Variants in PLCG2 observed in about 807,000 individuals in gnomAD.
PLCG2 encodes 1-phosphatidylinositol 4,5-bisphosphate phosphodiesterase gamma-2.
PLCG2 carries 69 observed loss-of-function variants against 175.6 expected under a neutral mutation model. The ratio of observed to expected loss-of-function variants is 0.39; its 90% CI spans 0.32 to 0.48. PLCG2 has a LOEUF of 0.48. PLCG2 is among the 20% of genes least tolerant of loss of function. The pLI, the probability that PLCG2 is intolerant of heterozygous loss-of-function variation, is 0.91. For synonymous variants in PLCG2, 827 were observed against 624.0 expected, an observed-to-expected ratio of 1.33 and a Z score of -4.85; for missense variants, 1,798 against 1,650.9, an observed-to-expected ratio of 1.09 and a Z score of -1.54.
intron 2 of PLCG2, among the ~76,000 whole-genome samples, chr16:81,829,189 A>T (rs566982231): frequency 1.3e-5 from 2 of 151,970 alleles, no homozygotes; most frequent in African/African-American, 4.8e-5. Context: ...GCTCACTGCA[A>T]CCTCTGTCTT....
rs1366903061 is a variant in PLCG2 at position 81,773,854 on chromosome 16, T to G, written c.-47-12089T>G. Among the ~76,000 whole-genome samples the G allele has an allele frequency of 2.0e-5, 3 of 152,160 alleles. No homozygotes were observed. In the East Asian group the frequency reaches 5.8e-4, roughly 29 times the overall value. On this transcript the variant is annotated intron_variant, in intron 2 of 5. Transcript: ENST00000565054. Reference sequence around the variant, plus strand: ...GAGCGACTGGGACTGGAACCAGCTCTGTCTCACTCCAAAGCCCCCTTTTTG... The same window carrying G: ...GAGCGACTGGGACTGGAACCAGCTCGGTCTCACTCCAAAGCCCCCTTTTTG...
At chr16:81,813,790 G>A (rs1904422334) in intron 2 of PLCG2, among the ~76,000 whole-genome samples, 1 of 152,160 alleles carries the variant, frequency 6.6e-6, no homozygotes, top group Admixed American at 6.6e-5. Flanking sequence ...GGCTAGTTTG[G>A]GCTTCCTTAC....
intron 2 of PLCG2, among the ~76,000 whole-genome samples, chr16:81,831,146 G>A (rs1905243745): frequency 6.6e-6 from 1 of 152,100 alleles, no homozygotes; most frequent in Admixed American, 6.5e-5. Flanking sequence ...ACCATGCTTT[G>A]CTCTTCTTTG....
intron 29 of PLCG2, among the ~76,000 whole-genome samples, chr16:81,939,250 G>T (rs535785250): frequency 6.6e-6 from 1 of 152,158 alleles, no homozygotes; most frequent in Non-Finnish European, 1.5e-5. Flanking sequence ...GAGAGAGGGG[G>T]TGAACCTACG....
intron 13 of PLCG2, among the ~76,000 whole-genome samples, chr16:81,896,957 G>A (rs1043378302): frequency 2.0e-5 from 3 of 152,240 alleles, no homozygotes; most frequent in African/African-American, 7.2e-5. Context: ...CTTGGTCTGG[G>A]CTGGAGGTCA....
chr16:81,829,896 G>C (rs919423294), intron 2 of PLCG2, among the ~76,000 whole-genome samples: 4 of 151,894 alleles, frequency 2.6e-5, no homozygotes, highest in Non-Finnish European at 5.9e-5. Flanking sequence ...CCTCAGTAGT[G>C]AGTGCCAAAT....
intron 2 of PLCG2, among the ~76,000 whole-genome samples, chr16:81,793,240 G>A (rs1911318237): frequency 6.6e-6 from 1 of 152,282 alleles, no homozygotes; most frequent in East Asian, 1.9e-4. Flanking sequence ...TTAAGGAGCT[G>A]GTTGTCTGTG....
intron 7 of PLCG2, among the ~76,000 whole-genome samples, chr16:81,877,923 C>T (rs987946326): frequency 2.0e-5 from 3 of 151,170 alleles, no homozygotes; most frequent in African/African-American, 7.3e-5. Context: ...CACATGGACC[C>T]CTTTTCTCTG....
At chr16:81,780,918 C>T (rs9937776) in intron 1 of PLCG2, among the ~76,000 whole-genome samples, 128,564 of 152,012 alleles carry the variant, frequency 0.85, 54,443 homozygotes, top group South Asian at 0.95. Flanking sequence ...TCCCAGCTAC[C>T]CAGGAGGCTG....
Position 81,961,090 on chromosome 16 carries a change from G to A in PLCG2, c.*3092G>A, listed in dbSNP as rs543241149. 2 of 231,296 alleles carry A rather than the reference G, an allele frequency of 8.6e-6. No individual in the cohort carries two copies. Among genetic ancestry groups the A allele is most frequent in the East Asian group, 6.1e-5 (1 of 16,306 alleles). The allele number at this position is 231,296 out of a possible 1,614,324, so 14.3% of individuals were successfully genotyped here. ...GCAAATGGATTTTCCAAGTTTTTCT[G>A]GTGGTTCCAAATTTTTTGCTTTCAA... On this transcript the variant is annotated 3_prime_UTR_variant, in exon 33 of 33. Transcript: ENST00000564138.
chr16:81,912,821 G>GC (rs892474742), intron 19 of PLCG2, 105 bp downstream of exon 19: 194 of 1,324,612 alleles, frequency 1.5e-4, no homozygotes, highest in East Asian at 2.6e-4. Context: ...GCAGTGCCCT[G>GC]CCCCCCCAGC....
intron 2 of PLCG2, among the ~76,000 whole-genome samples, chr16:81,761,089 G>T (rs1910032552): frequency 1.3e-5 from 2 of 152,132 alleles, no homozygotes; most frequent in Admixed American, 1.3e-4. Flanking sequence ...TAGTAACAAG[G>T]TTTCACTATG....
At chr16:81,744,616 T>C (rs12933287) in intron 1 of PLCG2, among the ~76,000 whole-genome samples, 128,856 of 152,022 alleles carry the variant, frequency 0.85, 56,808 homozygotes, top group East Asian at 1. Flanking sequence ...TTTTTTAAGA[T>C]AGTCGTGCTC....
In PLCG2 at chr16:81,904,495, C is replaced by T. The variant is rs148774531; in HGVS notation, c.1363-908C>T. 7.9e-5 allele frequency among the ~76,000 whole-genome samples: 12 copies of T among 152,286 alleles called. No individual in the cohort carries two copies. The East Asian group carries it at 1.7e-3, about 22-fold the overall frequency. ...GCTCAGAGAAGTGCAGCCACTTGCC[C>T]GGGGTCACACAGCTGGTAGAATAGC... On this transcript the variant is annotated intron_variant, in intron 14 of 32. Coordinates refer to ENST00000564138, the MANE Select transcript of PLCG2 (RefSeq NM_002661.5).
intron 5 of PLCG2, 96 bp downstream of exon 5, chr16:81,859,259 G>T: frequency 1.2e-6 from 1 of 800,592 alleles, no homozygotes; most frequent in Non-Finnish European, 2.2e-6. Flanking sequence ...CTTGTCGGGA[G>T]CAAGGTCCTC....
intron 2 of PLCG2, among the ~76,000 whole-genome samples, chr16:81,823,526 T>C (rs1904898970): frequency 6.6e-6 from 1 of 152,318 alleles, no homozygotes; most frequent in African/African-American, 2.4e-5. Flanking sequence ...GACTGTTTTC[T>C]TGTTTATTTA....
intron 13 of PLCG2, among the ~76,000 whole-genome samples, chr16:81,899,289 T>TATACAC (rs908648451): frequency 0.034 from 3,142 of 92,430 alleles, 120 homozygotes; most frequent in African/African-American, 0.11. Context: ...TATATATATA[T>TATACAC]ACACACACAC....
rs71400187 is a variant in PLCG2, at chr16:81,958,534, C to T, written c.*536C>T. 4,097 of 231,256 alleles carry T rather than the reference C, an allele frequency of 0.018. 54 individuals are homozygous for T. The highest frequency in any genetic ancestry group is 0.035 in the Middle Eastern group (27 of 764). 14.3% of individuals were successfully genotyped at this position (231,256 alleles called of 1,614,324 possible). On this transcript the variant is annotated 3_prime_UTR_variant, in exon 33 of 33. Coordinates refer to ENST00000564138, the MANE Select transcript of PLCG2 (RefSeq NM_002661.5). ...CAGTTCAATGTACTTTAACTACCACCGGCTGCCTGCTGCAGTCCACAAGAA... is the reference window on the plus strand; with the variant it reads ...CAGTTCAATGTACTTTAACTACCACTGGCTGCCTGCTGCAGTCCACAAGAA...
intron 19 of PLCG2, among the ~76,000 whole-genome samples, chr16:81,916,013 T>A (rs542590353): frequency 6.6e-6 from 1 of 152,328 alleles, no homozygotes; most frequent in East Asian, 1.9e-4. Flanking sequence ...TATTTATACA[T>A]GTCTGTATCT....
Sources: allele counts gnomAD v4.1 joint callset (sites outside exome capture counted in the v4.1 genomes callset), GRCh38; gene constraint gnomAD v4.1.1; transcripts MANE v1.5; gene names NCBI Gene and HGNC (gene_info 2026-07-23, HGNC 2026-07-21).